The following PALS1 variants were observed in gnomAD, a reference collection of about 807,000 sequenced individuals.
The protein encoded by PALS1 is protein associated with LIN7 1, MAGUK p55 family member.
Under a neutral mutation model 78.9 loss-of-function variants are expected in PALS1, and 31 were observed. The observed-to-expected ratio is 0.39, with a 90% confidence interval of 0.30 to 0.53. The LOEUF (loss-of-function observed/expected upper bound fraction) is 0.53, where lower values mean the gene tolerates loss of function less well. Ranked by LOEUF, PALS1 falls within the 20% of genes least tolerant of loss-of-function variation. The pLI is 0.67. For missense variants in PALS1, 704 were observed against 826.5 expected (o/e 0.85, Z 1.82); for synonymous variants, 276 against 270.9 (o/e 1.02, Z -0.18).
At chr14:67,296,032 G>A (rs1440021421) in intron 4 of PALS1, among the ~76,000 whole-genome samples, 1 of 152,164 alleles carries the variant, frequency 6.6e-6, no homozygotes, top group East Asian at 1.9e-4. Context: ...AATGAGAAGT[G>A]CTATGATGGC....
chr14:67,323,261 G>GTGTGTGTATATATATA lies in PALS1; in HGVS notation c.1741-440_1741-439insGTGTGTATATATATAT, dbSNP rs1429954753. 4.0e-3 allele frequency among the ~76,000 whole-genome samples: 498 copies of GTGTGTGTATATATATA among 124,168 alleles called. 3 individuals carry two copies. Among genetic ancestry groups the GTGTGTGTATATATATA allele is most frequent in the Non-Finnish European group, 7.7e-3 (416 of 54,066 alleles). 81.5% of individuals were successfully genotyped at this position (124,168 alleles called of 152,430 possible). On this transcript the variant is annotated intron_variant, in intron 13 of 14. Coordinates refer to ENST00000261681, the MANE Select transcript of PALS1 (RefSeq NM_022474.4). The stretch of plus-strand genomic sequence containing the variant: ...TGTGTGTGTGTGTGTGTGTGTGTGT[G>GTGTGTGTATATATATA]TATATATATATATGGCTTCACAGTA...
In PALS1 at chr14:67,317,400, C is replaced by A; in HGVS notation, c.1298-8C>A. ...ACATTTATAGTTATGTTTATGATTG[C>A]TCAACAGGAAAACTGTGGTGTGCAA... On this transcript the variant is annotated splice_region_variant and splice_polypyrimidine_tract_variant and intron_variant, in intron 10 of 14. Coordinates refer to ENST00000261681, the MANE Select transcript of PALS1 (RefSeq NM_022474.4). 6.2e-7 allele frequency: 1 copy of A among 1,606,458 alleles called. No individual in the cohort carries two copies. Among genetic ancestry groups the A allele is most frequent in the Admixed American group, 1.7e-5 (1 of 58,952 alleles).
Position 67,265,778 on chromosome 14 carries a change from A to T in PALS1, c.-236-3923A>T, listed in dbSNP as rs186049077. ...AGGCTGAGGCATGAGAATCACTTGAACCCGGGAGGTGGCAGTTGTGGTGAG... is the reference window on the plus strand; with the variant it reads ...AGGCTGAGGCATGAGAATCACTTGATCCCGGGAGGTGGCAGTTGTGGTGAG... On this transcript the variant is annotated intron_variant, in intron 1 of 14. Transcript: ENST00000261681. 4.4e-3 allele frequency among the ~76,000 whole-genome samples: 656 copies of T among 149,476 alleles called. 6 individuals carry two copies. The highest frequency in any genetic ancestry group is 0.016 in the African/African-American group (628 of 40,428).
At chr14:67,318,071 C>A (rs1387311700) in intron 11 of PALS1, among the ~76,000 whole-genome samples, 1 of 152,158 alleles carries the variant, frequency 6.6e-6, no homozygotes, top group Non-Finnish European at 1.5e-5. Flanking sequence ...TTAACCCAAC[C>A]TGATTTACTG....
chr14:67,243,489 A>ATTTTTT (rs55985752), intron 1 of PALS1, among the ~76,000 whole-genome samples: 1 of 100,292 alleles, frequency 1.0e-5, no homozygotes, highest in African/African-American at 4.1e-5. Context: ...CCAGAATATA[A>ATTTTTT]TTTTTTTTTT....
rs530863294 is a variant in PALS1 at position 67,284,429 on chromosome 14, T to TAAAAAAAAAAAAAAAAA, written c.367+4907_367+4908insAAAAAAAAAAAAAAAAA. On this transcript the variant is annotated intron_variant, in intron 3 of 14. Transcript: ENST00000261681. Reference sequence around the variant, plus strand: ...CTTGGGCAACATAGACCCTATCTCTTAAAAAAAAAAAAAAACAGCTGGGCA... The same window carrying TAAAAAAAAAAAAAAAAA: ...CTTGGGCAACATAGACCCTATCTCTTAAAAAAAAAAAAAAAAAAAAAAAAAAAAAAAACAGCTGGGCA... Among the ~76,000 whole-genome samples the TAAAAAAAAAAAAAAAAA allele has an allele frequency of 2.2e-4, 20 of 92,670 alleles. 1 individual carries two copies. The highest frequency in any genetic ancestry group is 1.3e-3 in the African/African-American group (20 of 15,868). 60.8% of individuals were successfully genotyped at this position (92,670 alleles called of 152,430 possible). A position where few individuals can be genotyped will look rare whatever the true frequency, so the allele number is the denominator to read the frequency against.
intron 2 of PALS1, among the ~76,000 whole-genome samples, chr14:67,272,703 G>C (rs1369875148): frequency 1.3e-5 from 2 of 152,144 alleles, no homozygotes; most frequent in Non-Finnish European, 2.9e-5. Context: ...CTGTCTCCCA[G>C]GCTGGAGCGC....
At chr14:67,265,259 T>C (rs1241726536) in intron 1 of PALS1, among the ~76,000 whole-genome samples, 1 of 152,174 alleles carries the variant, frequency 6.6e-6, no homozygotes, top group Non-Finnish European at 1.5e-5. Context: ...GGTGTTCTAC[T>C]AAACAGTAAA....
chr14:67,328,200 T>G (rs1195453498), intron 14 of PALS1, among the ~76,000 whole-genome samples: 1 of 152,224 alleles, frequency 6.6e-6, no homozygotes, highest in South Asian at 2.1e-4. Context: ...GGTATCTCAT[T>G]GTGGTTTTGA....
chr14:67,279,058 T>G lies in PALS1; in HGVS notation c.-113T>G. 1.0e-6 allele frequency: 1 copy of G among 1,004,814 alleles called. No homozygotes were observed. The highest frequency in any genetic ancestry group is 1.4e-6 in the Non-Finnish European group (1 of 721,594). The allele number at this position is 1,004,814 out of a possible 1,614,324, so 62.2% of individuals were successfully genotyped here. A position where few individuals can be genotyped will look rare whatever the true frequency, so the allele number is the denominator to read the frequency against. On this transcript the variant is annotated 5_prime_UTR_variant, in exon 3 of 15. The change abolishes an upstream ATG in the 5' untranslated region. Coordinates refer to ENST00000261681, the MANE Select transcript of PALS1 (RefSeq NM_022474.4). ...ACTTTTTCATAGCATTATTATGTGATGTGAGAAGTTTTTTTTTTTGAAGTA... is the reference window on the plus strand; with the variant it reads ...ACTTTTTCATAGCATTATTATGTGAGGTGAGAAGTTTTTTTTTTTGAAGTA...
chr14:67,321,576 G>A (rs922207545), intron 13 of PALS1, among the ~76,000 whole-genome samples: 1 of 152,194 alleles, frequency 6.6e-6, no homozygotes, highest in Non-Finnish European at 1.5e-5. Flanking sequence ...CTTGAGGATA[G>A]ACCCAAGTCT....
chr14:67,334,199 T>C lies in PALS1; in HGVS notation c.*1243T>C, dbSNP rs2085493891. 1 of 152,664 alleles carries C rather than the reference T, an allele frequency of 6.6e-6. No individual in the cohort carries two copies. Among genetic ancestry groups the C allele is most frequent in the Admixed American group, 6.5e-5 (1 of 15,278 alleles). The allele number at this position is 152,664 out of a possible 1,614,324, so 9.5% of individuals were successfully genotyped here. A position where few individuals can be genotyped will look rare whatever the true frequency, so the allele number is the denominator to read the frequency against. On this transcript the variant is annotated 3_prime_UTR_variant, in exon 15 of 15. Transcript: ENST00000261681. ...GGTTTTTAACCTAACAAGGTCTGCC[T>C]CTTATGACGAGAATGCAACAGCTTG... is the stretch of plus-strand genomic sequence containing the variant.
intron 1 of PALS1, among the ~76,000 whole-genome samples, chr14:67,268,810 A>G (rs908399912): frequency 3.9e-5 from 6 of 152,132 alleles, no homozygotes; most frequent in African/African-American, 1.4e-4. Context: ...GTGACTTAGA[A>G]TGCCTAACCT....
chr14:67,287,751 A>C (rs528051510), intron 3 of PALS1, among the ~76,000 whole-genome samples: 1 of 152,358 alleles, frequency 6.6e-6, no homozygotes, highest in South Asian at 2.1e-4. Flanking sequence ...TTACAGTGTC[A>C]TCTATACGGT....
At chr14:67,323,595 C>T (rs2085300759) in intron 13 of PALS1, 107 bp from the exon 14 acceptor site, 2 of 276,114 alleles carry the variant, frequency 7.2e-6, no homozygotes, top group East Asian at 1.4e-4. Flanking sequence ...GCCTAGGCAA[C>T]AGAGCAAGTC....
chr14:67,310,999 A>G (rs890691811), intron 8 of PALS1, among the ~76,000 whole-genome samples: 57 of 152,114 alleles, frequency 3.7e-4, no homozygotes, highest in African/African-American at 1.3e-3. Flanking sequence ...TATAACCTCA[A>G]TTATGGTGAG....
intron 3 of PALS1, 79 bp downstream of exon 3, chr14:67,279,616 G>A (rs1567517636): frequency 7.5e-7 from 1 of 1,336,966 alleles, no homozygotes; most frequent in East Asian, 2.4e-5. Context: ...AGAAGGAAGA[G>A]GGTTTAAGAG....
Position 67,334,185 on chromosome 14 carries a change from T to TAACA in PALS1, c.*1231_*1234dup, listed in dbSNP as rs1244658566. 3 of 152,494 alleles carry TAACA rather than the reference T, an allele frequency of 2.0e-5. No homozygotes were observed. The highest frequency in any genetic ancestry group is 1.9e-4 in the East Asian group (1 of 5,204). The allele number at this position is 152,494 out of a possible 1,614,324, so 9.4% of individuals were successfully genotyped here. On this transcript the variant is annotated 3_prime_UTR_variant, in exon 15 of 15. Transcript: ENST00000261681. The stretch of plus-strand genomic sequence containing the variant: ...AATATATAGAAATAGGTTTTTAACC[T>TAACA]AACAAGGTCTGCCTCTTATGACGAG...
chr14:67,287,357 G>GA (rs1192611810), intron 3 of PALS1, among the ~76,000 whole-genome samples: 1 of 151,336 alleles, frequency 6.6e-6, no homozygotes, highest in African/African-American at 2.4e-5. Flanking sequence ...TCTGATATAA[G>GA]AAAAAAGGAT....
Sources: allele counts gnomAD v4.1 joint callset (sites outside exome capture counted in the v4.1 genomes callset), GRCh38; gene constraint gnomAD v4.1.1; transcripts MANE v1.5; gene names NCBI Gene and HGNC (gene_info 2026-07-23, HGNC 2026-07-21).